Variants in PRRX1 observed in about 807,000 individuals in gnomAD.
PRRX1 encodes paired mesoderm homeobox protein 1.
PRRX1 carries 8 observed loss-of-function variants against 24.0 expected under a neutral mutation model. The ratio of observed to expected loss-of-function variants is 0.33; its 90% CI spans 0.20 to 0.60. PRRX1 has a LOEUF of 0.60. Ranked by LOEUF, PRRX1 falls within the 20% of genes least tolerant of loss-of-function variation. PRRX1 has a pLI of 0.82. For missense variants in PRRX1, 281 were observed against 322.4 expected (o/e 0.87, Z 0.98); for synonymous variants, 160 against 131.7 (o/e 1.22, Z -1.47).
chr1:170,682,277 C>A (rs923935069), intron 1 of PRRX1, among the ~76,000 whole-genome samples: 1 of 151,814 alleles, frequency 6.6e-6, no homozygotes, highest in African/African-American at 2.4e-5. Context: ...GGTCTGAATT[C>A]AATGTTCCTT....
At chr1:170,662,919 G>A (rs1442558962), upstream of PRRX1, 2 of 152,184 alleles carry the variant, frequency 1.3e-5, no homozygotes, top group Non-Finnish European at 2.9e-5. Context: ...CACGTTTGAA[G>A]TGACTGTGAG....
At chr1:170,735,448 T>C (rs1655572182) in intron 3 of PRRX1, among the ~76,000 whole-genome samples, 1 of 152,134 alleles carries the variant, frequency 6.6e-6, no homozygotes, top group Admixed American at 6.5e-5. Flanking sequence ...AGTGGCTTAG[T>C]AACCTCTTGA....
intron 3 of PRRX1, among the ~76,000 whole-genome samples, chr1:170,733,023 G>C (rs1045233154): frequency 2.6e-5 from 4 of 152,114 alleles, no homozygotes; most frequent in African/African-American, 9.7e-5. Context: ...CCAATCTCCT[G>C]TGTAATAGAT....
Position 170,717,372 on chromosome 1 carries a change from C to T in PRRX1, c.242-2354C>T, listed in dbSNP as rs566265653. On this transcript the variant is annotated intron_variant, in intron 1 of 3. Coordinates refer to ENST00000239461, the MANE Select transcript of PRRX1 (RefSeq NM_022716.4). ...ATGTAGCAGGTTGTAATACTAAGAA[C>T]AAAACATAAAATATTCTTGGTCTTG... Among the ~76,000 whole-genome samples the T allele has an allele frequency of 2.6e-5, 4 of 152,208 alleles. No individual in the cohort carries two copies. The South Asian group carries it at 8.3e-4, about 32-fold the overall frequency.
chr1:170,679,494 G>C (rs573502879), intron 1 of PRRX1, among the ~76,000 whole-genome samples: 2 of 152,162 alleles, frequency 1.3e-5, no homozygotes, highest in Non-Finnish European at 2.9e-5. Context: ...CCACCTCCCA[G>C]GTTCATGCCA....
intron 1 of PRRX1, among the ~76,000 whole-genome samples, chr1:170,695,512 A>G (rs943945273): frequency 6.6e-6 from 1 of 152,174 alleles, no homozygotes; most frequent in African/African-American, 2.4e-5. Flanking sequence ...TAGAAAGGCT[A>G]TTCTTCTCTG....
intron 3 of PRRX1, 101 bp downstream of exon 3, chr1:170,726,502 G>A (rs1655260965): frequency 3.6e-6 from 5 of 1,385,616 alleles, no homozygotes; most frequent in Admixed American, 1.8e-5. Flanking sequence ...TTTCTTACTG[G>A]GTTAATCTCT....
chr1:170,694,376 C>T (rs1654097653), intron 1 of PRRX1, among the ~76,000 whole-genome samples: 2 of 152,128 alleles, frequency 1.3e-5, no homozygotes, highest in African/African-American at 4.8e-5. Flanking sequence ...TCAAGATTTT[C>T]ACACAGAACA....
intron 1 of PRRX1, among the ~76,000 whole-genome samples, chr1:170,711,078 T>C (rs776018583): frequency 1.3e-5 from 2 of 152,228 alleles, no homozygotes; most frequent in Non-Finnish European, 2.9e-5. Flanking sequence ...AAAATTTGAA[T>C]TTTTGTTCTT....
intron 1 of PRRX1, among the ~76,000 whole-genome samples, chr1:170,710,603 T>A (rs559507838): frequency 5.4e-4 from 83 of 152,316 alleles, no homozygotes; most frequent in African/African-American, 1.8e-3. Flanking sequence ...AATGTTTACA[T>A]CCTCCCCAAA....
rs1655397931 is a variant in PRRX1, at chr1:170,730,353, C to T, written c.599+3952C>T. ...CTAACGGAAGACACTGAAAAGGTAA[C>T]TTGTCAGAGGGGGAAGAGGGTGGCT... On this transcript the variant is annotated intron_variant, in intron 3 of 3. Transcript: ENST00000239461. 7 of 1,604,238 alleles carry T rather than the reference C, an allele frequency of 4.4e-6. No homozygotes were observed. In the South Asian group the frequency reaches 7.7e-5, roughly 18 times the overall value.
intron 3 of PRRX1, among the ~76,000 whole-genome samples, chr1:170,729,353 C>T (rs1655356212): frequency 6.6e-6 from 1 of 152,182 alleles, no homozygotes; most frequent in Admixed American, 6.5e-5. Context: ...TCATACAAGC[C>T]AGAGACAGTG....
At chr1:170,680,805 G>T (rs1422783741) in intron 1 of PRRX1, among the ~76,000 whole-genome samples, 1 of 152,102 alleles carries the variant, frequency 6.6e-6, no homozygotes, top group Non-Finnish European at 1.5e-5. Context: ...TGGGCTTCCT[G>T]GTTTAAATAA....
chr1:170,665,415 T>C (rs1652885644), intron 1 of PRRX1, among the ~76,000 whole-genome samples: 1 of 152,236 alleles, frequency 6.6e-6, no homozygotes, highest in Non-Finnish European at 1.5e-5. Context: ...CCGGTCACCC[T>C]GTTCATCCCA....
intron 3 of PRRX1, among the ~76,000 whole-genome samples, chr1:170,729,653 T>G (rs1246020763): frequency 6.6e-6 from 1 of 152,178 alleles, no homozygotes; most frequent in Non-Finnish European, 1.5e-5. Context: ...GGACATATAG[T>G]CTGCTCTAAT....
intron 1 of PRRX1, among the ~76,000 whole-genome samples, chr1:170,716,246 T>C (rs1032907950): frequency 6.6e-6 from 1 of 152,130 alleles, no homozygotes; most frequent in African/African-American, 2.4e-5. Context: ...AATTATAAAA[T>C]CCATAAACAC....
At chr1:170,686,520 T>C (rs1259955191) in intron 1 of PRRX1, among the ~76,000 whole-genome samples, 1 of 152,164 alleles carries the variant, frequency 6.6e-6, no homozygotes, top group Non-Finnish European at 1.5e-5. Flanking sequence ...AGGTCAGCAA[T>C]TCTGACACTG....
At chr1:170,668,454 A>G (rs1653028671) in intron 1 of PRRX1, 1 of 152,256 alleles carries the variant, frequency 6.6e-6, no homozygotes, top group African/African-American at 2.4e-5. Flanking sequence ...ACACGCGCGC[A>G]CACACGCACA....
chr1:170,685,459 G>C (rs923122690), intron 1 of PRRX1, among the ~76,000 whole-genome samples: 1 of 152,146 alleles, frequency 6.6e-6, no homozygotes, highest in Non-Finnish European at 1.5e-5. Context: ...CATTTAGAGG[G>C]AAAATGATTT....
Sources: allele counts gnomAD v4.1 joint callset (sites outside exome capture counted in the v4.1 genomes callset), GRCh38; gene constraint gnomAD v4.1.1; transcripts MANE v1.5; gene names NCBI Gene and HGNC (gene_info 2026-07-23, HGNC 2026-07-21).